The following CEP164 variants were observed in gnomAD, a reference collection of about 807,000 sequenced individuals.
CEP164 encodes the protein centrosomal protein of 164 kDa.
In CEP164, 162 loss-of-function variants were observed where a neutral mutation model predicts 182.7. The ratio of observed to expected loss-of-function variants is 0.89; its 90% CI spans 0.78 to 1.01. The LOEUF (loss-of-function observed/expected upper bound fraction) is 1.01, where lower values mean the gene tolerates loss of function less well. Among genes scored for constraint, CEP164 ranks in the 50% least tolerant of loss-of-function variants. The probability of loss-of-function intolerance (pLI) is 0.00; values close to 1 mark genes in which losing one functional copy is unlikely to be tolerated. For missense variants in CEP164, 1,735 were observed against 1,790.4 expected (o/e 0.97, Z 0.56); for synonymous variants, 661 against 690.0 (o/e 0.96, Z 0.66).
chr11:117,351,266 G>A (rs1324173435), intron 4 of CEP164, among the ~76,000 whole-genome samples: 2 of 152,088 alleles, frequency 1.3e-5, no homozygotes, highest in African/African-American at 2.4e-5. Context: ...CCCGACCTCG[G>A]CCTCCCAAAG....
intron 3 of CEP164, among the ~76,000 whole-genome samples, chr11:117,340,766 C>T (rs1005940423): frequency 3.3e-5 from 5 of 152,196 alleles, no homozygotes; most frequent in Admixed American, 6.5e-5. Flanking sequence ...TCAAGTGATC[C>T]TCCTGTCTGG....
chr11:117,409,110 C>A lies in CEP164; in HGVS notation c.3748+82C>A. 6.4e-7 allele frequency: 1 copy of A among 1,569,936 alleles called. No individual in the cohort carries two copies. The highest frequency in any genetic ancestry group is 8.7e-7 in the Non-Finnish European group (1 of 1,154,010). On this transcript the variant is annotated intron_variant, in intron 29 of 32. Transcript: ENST00000278935. The surrounding 1 kb of genome is among the most constrained non-coding windows in gnomAD (Gnocchi z 4.4). ...GGGGAATAGAAGAAGAGCTCTCTTCCCTCAGCCCTGCAGAGGGAGGCCTCT... is the reference window on the plus strand; with the variant it reads ...GGGGAATAGAAGAAGAGCTCTCTTCACTCAGCCCTGCAGAGGGAGGCCTCT...
Position 117,413,262 on chromosome 11 carries a change from T to G in CEP164, c.*1094T>G, listed in dbSNP as rs2047522684. 1 of 152,170 alleles carries G rather than the reference T, an allele frequency of 6.6e-6. No individual in the cohort carries two copies. The highest frequency in any genetic ancestry group is 2.4e-5 in the African/African-American group (1 of 41,444). 9.4% of individuals were successfully genotyped at this position (152,170 alleles called of 1,614,324 possible). A position where few individuals can be genotyped will look rare whatever the true frequency, so the allele number is the denominator to read the frequency against. On this transcript the variant is annotated 3_prime_UTR_variant, in exon 33 of 33. Coordinates refer to ENST00000278935, the MANE Select transcript of CEP164 (RefSeq NM_014956.5). ...ATGCACTTATTTTTGTTTTTTTTTT[T>G]GCAAGCTGTGGGGTTGCCCTTGCTT...
chr11:117,363,485 G>C lies in CEP164; in HGVS notation c.744G>C (p.Leu248=), dbSNP rs1400167035. ...LRNLHLDIGA[L]GGDFEYEESL... ...ACCTACACCTGGACATTGGGGCACT[G>C]GGGGGTGACTTTGAGTATGAGGTAA... is the stretch of plus-strand genomic sequence containing the variant. The change falls in exon 8 of 33, where the codon CTG becomes CTC. Residue 248 remains leucine (L), a synonymous_variant. Transcript: ENST00000278935. 1 of 1,612,416 alleles carries C rather than the reference G, an allele frequency of 6.2e-7. No individual in the cohort carries two copies. The highest frequency in any genetic ancestry group is 8.5e-7 in the Non-Finnish European group (1 of 1,178,558).
chr11:117,392,673 C>A, intron 19 of CEP164, 46 bp downstream of exon 19: 1 of 1,599,746 alleles, frequency 6.3e-7, no homozygotes, highest in Non-Finnish European at 8.5e-7. Flanking sequence ...CTGTTGTGGA[C>A]TCTCTTACAG....
intron 7 of CEP164, 112 bp downstream of exon 7, chr11:117,362,650 A>G: frequency 8.1e-7 from 1 of 1,229,184 alleles, no homozygotes; most frequent in Non-Finnish European, 1.1e-6. Flanking sequence ...TTGCCCTTTT[A>G]ACCATTTTAA....
In CEP164 at chr11:117,411,876, C is replaced by A. The variant is rs1194021560; in HGVS notation, c.4245C>A (p.Ala1415=). 2 of 1,614,050 alleles carry A rather than the reference C, an allele frequency of 1.2e-6. No homozygotes were observed. The highest frequency in any genetic ancestry group is 2.7e-5 in the African/African-American group (2 of 74,936). The change falls in exon 32 of 33, where the codon GCC becomes GCA. Residue 1415 remains alanine, a synonymous_variant. Transcript: ENST00000278935. The surrounding 1 kb of genome is among the most constrained non-coding windows in gnomAD (Gnocchi z 4.4). Reference sequence around the variant, plus strand: ...CCACCTTTCAGGGCATAATTGAGGCCAACCGGAGGTGGCTGGAACGTGTCA... The same window carrying A: ...CCACCTTTCAGGGCATAATTGAGGCAAACCGGAGGTGGCTGGAACGTGTCA... ...GSTTFQGIIE[A]NRRWLERVKN...
chr11:117,344,410 C>T, intron 4 of CEP164, 133 bp downstream of exon 4: 2 of 603,784 alleles, frequency 3.3e-6, no homozygotes, highest in South Asian at 4.3e-5. Context: ...TGTGCCACCC[C>T]TCTGCTATGC....
intron 27 of CEP164, among the ~76,000 whole-genome samples, chr11:117,401,300 C>T (rs775212327): frequency 5.3e-5 from 8 of 152,156 alleles, no homozygotes; most frequent in African/African-American, 4.8e-5. Flanking sequence ...TATTGATTTA[C>T]GTATGTTGAA....
At chr11:117,401,743 G>T (rs1354565461) in intron 27 of CEP164, among the ~76,000 whole-genome samples, 1 of 152,134 alleles carries the variant, frequency 6.6e-6, no homozygotes, top group Non-Finnish European at 1.5e-5. Context: ...ATTTCTTCTA[G>T]ATTTTCTAGT....
chr11:117,409,667 C>T lies in CEP164; in HGVS notation c.3798C>T (p.His1266=), dbSNP rs931457564. The change falls in exon 30 of 33, where the codon CAC becomes CAT. Residue 1266 remains histidine (H), a synonymous_variant. Coordinates refer to ENST00000278935, the MANE Select transcript of CEP164 (RefSeq NM_014956.5). This position sits in a 1 kb window ranked among gnomAD's most constrained non-coding sequence, Gnocchi z 4.4. ...LTSRKIHGLS[H]SLRQISSQLS... ...CCCGCAAGATCCACGGGCTTAGCCA[C>T]TCCCTCCGGCAGATCAGCAGCCAGC... The T allele has an allele frequency of 2.0e-5, 33 of 1,613,872 alleles. No individual in the cohort carries two copies. The highest frequency in any genetic ancestry group is 2.7e-5 in the Non-Finnish European group (32 of 1,179,776).
Position 117,382,925 on chromosome 11 carries a change from G to A in CEP164, c.1707G>A (p.Pro569=), listed in dbSNP as rs182370374. The change falls in exon 14 of 33, where the codon CCG becomes CCA. Residue 569 remains proline (P), a synonymous_variant. Transcript: ENST00000278935. ...AGAAGGTGGCGGTCAGCCCCACCCC[G>A]CCAGTCTCTCCAGAGGTGTAAGGGC... ...PEEKVAVSPT[P]PVSPEVRSTE... 8.7e-6 allele frequency: 14 copies of A among 1,612,278 alleles called. No homozygotes were observed. Among genetic ancestry groups the A allele is most frequent in the African/African-American group, 4.0e-5 (3 of 74,878 alleles).
At chr11:117,382,301 T>A (rs1374378866) in intron 13 of CEP164, among the ~76,000 whole-genome samples, 1 of 152,130 alleles carries the variant, frequency 6.6e-6, no homozygotes, top group African/African-American at 2.4e-5. Context: ...CTACTTCTTG[T>A]CATTCAGCAA....
In CEP164 at chr11:117,387,394, A is replaced by G; in HGVS notation, c.1916A>G (p.Gln639Arg). ...EEEEILRLHQ[Q>R]KEQSLSSLRE... ...GAGGAGATCCTCCGGCTTCACCAGC[A>G]GAAAGAGCAATCTCTCAGGTCCTGC... is the stretch of plus-strand genomic sequence containing the variant. The change falls in exon 15 of 33, where the codon CAG becomes CGG. Residue 639 changes from glutamine to arginine, a missense_variant. By Grantham distance (43) the Gln-to-Arg change is conservative (BLOSUM62 1). Coordinates refer to ENST00000278935, the MANE Select transcript of CEP164 (RefSeq NM_014956.5). The G allele has an allele frequency of 6.2e-7, 1 of 1,614,168 alleles. No individual in the cohort carries two copies. The highest frequency in any genetic ancestry group is 8.5e-7 in the Non-Finnish European group (1 of 1,180,038).
At chr11:117,401,705 G>A (rs531457660) in intron 27 of CEP164, among the ~76,000 whole-genome samples, 7 of 152,174 alleles carry the variant, frequency 4.6e-5, no homozygotes, top group Non-Finnish European at 8.8e-5. Context: ...TTAGTCTTGG[G>A]AGGGTATATG....
At chr11:117,407,578 A>G (rs1430314274) in intron 27 of CEP164, among the ~76,000 whole-genome samples, 1 of 151,670 alleles carries the variant, frequency 6.6e-6, no homozygotes, top group African/African-American at 2.4e-5. Context: ...GCCTGAGCCC[A>G]GGAAGTTGAG....
intron 15 of CEP164, 72 bp from the exon 16 acceptor site, chr11:117,390,705 A>C (rs535878025): frequency 1.4e-4 from 219 of 1,582,484 alleles, no homozygotes; most frequent in Non-Finnish European, 1.8e-4. Flanking sequence ...GGAGGCTGAG[A>C]GCCATAGCTT....
At position 117,362,508 on chromosome 11, in the gene CEP164, TGAG is replaced by T. The variant is rs2135704436; in HGVS notation, c.663_665del (p.Glu221del). 6.2e-7 allele frequency: 1 copy of T among 1,613,520 alleles called. No homozygotes were observed. ...TCTTGGGTTTAGGAGAAGAAACCAA[TGAG>T]GAGGATGAGGAGGAAAGTGACAACC... is the stretch of plus-strand genomic sequence containing the variant. On this transcript the variant is annotated inframe_deletion, in exon 7 of 33. Transcript: ENST00000278935.
chr11:117,394,801 G>A lies in CEP164; in HGVS notation c.2761-119G>A, dbSNP rs2045219983. The A allele has an allele frequency of 1.9e-6, 2 of 1,061,370 alleles. No individual in the cohort carries two copies. Among genetic ancestry groups the A allele is most frequent in the Non-Finnish European group, 2.8e-6 (2 of 706,308 alleles). The allele number at this position is 1,061,370 out of a possible 1,614,324, so 65.7% of individuals were successfully genotyped here. A position where few individuals can be genotyped will look rare whatever the true frequency, so the allele number is the denominator to read the frequency against. ...GGGAGGCTGCAGGGGCACACAGCGA[G>A]GAAGCCTGAGCCCAGAGTGGAGGTT... On this transcript the variant is annotated intron_variant, in intron 21 of 32. Coordinates refer to ENST00000278935, the MANE Select transcript of CEP164 (RefSeq NM_014956.5). The surrounding 1 kb of genome is among the most constrained non-coding windows in gnomAD (Gnocchi z 4.0).
Sources: allele counts gnomAD v4.1 joint callset (sites outside exome capture counted in the v4.1 genomes callset), GRCh38; gene constraint gnomAD v4.1.1; non-coding constraint Gnocchi (gnomAD v3.1); transcripts MANE v1.5; gene names NCBI Gene and HGNC (gene_info 2026-07-23, HGNC 2026-07-21).